The following NKAIN3 variants were observed in gnomAD, a reference collection of about 807,000 sequenced individuals.
NKAIN3 encodes sodium/potassium transporting ATPase interacting 3, also known as sodium/potassium-transporting ATPase subunit beta-1-interacting protein 3.
A neutral mutation model predicts 30.2 loss-of-function variants in NKAIN3; 25 were observed. The observed-to-expected ratio is 0.83, with a 90% CI of 0.60 to 1.16. The LOEUF (loss-of-function observed/expected upper bound fraction) is 1.16. Ranked by LOEUF, NKAIN3 falls within the 50% of genes most tolerant of loss-of-function variation. The pLI is 0.00. For synonymous variants in NKAIN3, 91 were observed against 89.6 expected, an observed-to-expected ratio of 1.02 and a Z score of -0.09; for missense variants, 225 against 254.1, an observed-to-expected ratio of 0.89 and a Z score of 0.78.
intron 1 of NKAIN3, among the ~76,000 whole-genome samples, chr8:62,439,935 C>T (rs1241180707): frequency 1.3e-5 from 2 of 152,128 alleles, no homozygotes; most frequent in Non-Finnish European, 2.9e-5. Flanking sequence ...TTACTTTAAT[C>T]GGTTAGGAAG....
intron 1 of NKAIN3, among the ~76,000 whole-genome samples, chr8:62,278,178 G>A (rs1286591238): frequency 2.6e-5 from 4 of 152,186 alleles, no homozygotes; most frequent in Non-Finnish European, 2.9e-5. Flanking sequence ...GCAGGATGGA[G>A]AGCTGAAGAG....
chr8:62,406,569 T>A (rs921657414), intron 1 of NKAIN3, among the ~76,000 whole-genome samples: 2 of 152,188 alleles, frequency 1.3e-5, no homozygotes. Context: ...ATTTGCTTTA[T>A]CACTGGACCT....
chr8:62,877,227 A>C (rs1426171765), intron 4 of NKAIN3, among the ~76,000 whole-genome samples: 2 of 152,194 alleles, frequency 1.3e-5, no homozygotes, highest in Non-Finnish European at 2.9e-5. Flanking sequence ...AGAGGAAAGG[A>C]CTAGTAGTGA....
intron 5 of NKAIN3, among the ~76,000 whole-genome samples, chr8:62,993,535 A>G (rs1804025596): frequency 6.6e-6 from 1 of 152,152 alleles, no homozygotes; most frequent in Non-Finnish European, 1.5e-5. Flanking sequence ...CTCTAGAGGC[A>G]CCATATGGCC....
At chr8:62,998,767 T>C (rs1804184931) in intron 5 of NKAIN3, among the ~76,000 whole-genome samples, 2 of 152,222 alleles carry the variant, frequency 1.3e-5, no homozygotes, top group African/African-American at 4.8e-5. Flanking sequence ...CTTTCAGTGA[T>C]AACTTGAAAG....
chr8:62,344,238 G>A (rs1226930622), intron 1 of NKAIN3, among the ~76,000 whole-genome samples: 1 of 152,020 alleles, frequency 6.6e-6, no homozygotes, highest in Non-Finnish European at 1.5e-5. Context: ...ATGTCAGGTA[G>A]CCCAACCTCT....
chr8:62,467,176 C>T (rs1349410293), intron 1 of NKAIN3, among the ~76,000 whole-genome samples: 1 of 152,162 alleles, frequency 6.6e-6, no homozygotes, highest in African/African-American at 2.4e-5. Context: ...CTGCTTCTGC[C>T]TAGAATGTTG....
chr8:62,534,320 A>G (rs191429897), intron 1 of NKAIN3, among the ~76,000 whole-genome samples: 2 of 152,262 alleles, frequency 1.3e-5, no homozygotes, highest in East Asian at 3.9e-4. Flanking sequence ...ACCTGTCTGG[A>G]AGAAACACTG....
intron 4 of NKAIN3, among the ~76,000 whole-genome samples, chr8:62,763,667 T>C (rs1816744913): frequency 2.0e-5 from 3 of 152,202 alleles, no homozygotes; most frequent in African/African-American, 7.2e-5. Context: ...GGAACTGTGT[T>C]GTAAGGCTTG....
chr8:62,949,993 T>C (rs1223783596), intron 5 of NKAIN3, among the ~76,000 whole-genome samples: 1 of 152,226 alleles, frequency 6.6e-6, no homozygotes, highest in Non-Finnish European at 1.5e-5. Flanking sequence ...CACACCCTGA[T>C]TTCCACTGAA....
At chr8:62,392,153 A>G (rs1817602208) in intron 1 of NKAIN3, among the ~76,000 whole-genome samples, 1 of 152,072 alleles carries the variant, frequency 6.6e-6, no homozygotes, top group Non-Finnish European at 1.5e-5. Flanking sequence ...TATGAAAAAA[A>G]TGTATAGGAA....
chr8:62,443,917 A>G (rs1805406639), intron 1 of NKAIN3, among the ~76,000 whole-genome samples: 1 of 152,106 alleles, frequency 6.6e-6, no homozygotes, highest in Non-Finnish European at 1.5e-5. Context: ...TGCCTGTATC[A>G]TCTCATTTCA....
chr8:62,293,093 G>C (rs1241635714), intron 1 of NKAIN3, among the ~76,000 whole-genome samples: 1 of 152,016 alleles, frequency 6.6e-6, no homozygotes, highest in Non-Finnish European at 1.5e-5. Context: ...GGTCATTTAA[G>C]GACTTCTCTA....
chr8:62,277,053 C>T (rs940022860), intron 1 of NKAIN3, among the ~76,000 whole-genome samples: 3 of 152,052 alleles, frequency 2.0e-5, no homozygotes, highest in Non-Finnish European at 2.9e-5. Context: ...TTATTGATCA[C>T]TGGGTTTCAA....
chr8:62,606,526 T>C (rs934134120), intron 3 of NKAIN3, among the ~76,000 whole-genome samples: 3 of 151,932 alleles, frequency 2.0e-5, no homozygotes, highest in Non-Finnish European at 4.4e-5. Context: ...GGAAAAAAAA[T>C]GGCATAAAGA....
At chr8:62,993,881 G>A (rs2130935538) in intron 5 of NKAIN3, among the ~76,000 whole-genome samples, 1 of 152,246 alleles carries the variant, frequency 6.6e-6, no homozygotes, top group South Asian at 2.1e-4. Flanking sequence ...AAAGCAAGTT[G>A]AGAGCCAGGA....
chr8:62,843,346 A>AT (rs993360423), intron 4 of NKAIN3, among the ~76,000 whole-genome samples: 1 of 148,808 alleles, frequency 6.7e-6, no homozygotes, highest in Non-Finnish European at 1.5e-5. Flanking sequence ...TTATTTATTT[A>AT]TTTTTTTTGA....
At chr8:62,915,605 G>A (rs1000913163) in intron 4 of NKAIN3, among the ~76,000 whole-genome samples, 12 of 152,218 alleles carry the variant, frequency 7.9e-5, no homozygotes, top group South Asian at 2.1e-4. Flanking sequence ...AGCAGCAACC[G>A]AAAACTAATG....
At chr8:62,318,374 C>G (rs1814735772) in intron 1 of NKAIN3, among the ~76,000 whole-genome samples, 2 of 152,162 alleles carry the variant, frequency 1.3e-5, no homozygotes, top group African/African-American at 4.8e-5. Flanking sequence ...TGTCTTGTGC[C>G]AGCTTTCAAA....
Sources: allele counts gnomAD v4.1 joint callset (sites outside exome capture counted in the v4.1 genomes callset), GRCh38; gene constraint gnomAD v4.1.1; transcripts MANE v1.5; gene names NCBI Gene and HGNC (gene_info 2026-07-23, HGNC 2026-07-21).